Variants in SETDB2 observed in about 807,000 individuals in gnomAD.
The protein encoded by SETDB2 is histone-lysine N-methyltransferase SETDB2.
In SETDB2, 56 loss-of-function variants were observed where a neutral mutation model predicts 82.5. That is an observed-to-expected ratio of 0.68 (90% CI 0.55 to 0.85). The LOEUF (loss-of-function observed/expected upper bound fraction) is 0.85. Among genes scored for constraint, SETDB2 ranks in the 40% least tolerant of loss-of-function variants. The probability of loss-of-function intolerance (pLI) is 0.00; values close to 1 mark genes in which losing one functional copy is unlikely to be tolerated. For synonymous variants in SETDB2, 272 were observed against 284.9 expected (o/e 0.95, Z 0.46); for missense variants, 677 against 816.4 (o/e 0.83, Z 2.08).
intron 4 of SETDB2, among the ~76,000 whole-genome samples, chr13:49,462,904 T>C (rs1423358471): frequency 6.6e-6 from 1 of 152,168 alleles, no homozygotes; most frequent in Non-Finnish European, 1.5e-5. Flanking sequence ...CACTCGGAAT[T>C]GTAGGGGAGG....
intron 12 of SETDB2, among the ~76,000 whole-genome samples, chr13:49,490,049 G>A (rs1425503570): frequency 4.0e-5 from 6 of 150,142 alleles, no homozygotes; most frequent in Non-Finnish European, 8.9e-5. Context: ...AGCCAAGGCA[G>A]GCAGATCACT....
intron 12 of SETDB2, 94 bp downstream of exon 12, chr13:49,488,724 C>A: frequency 9.7e-7 from 1 of 1,028,208 alleles, no homozygotes; most frequent in Non-Finnish European, 1.4e-6. Flanking sequence ...ACTCTAAAGT[C>A]AGACCATCTG....
intron 2 of SETDB2, 62 bp downstream of exon 2, chr13:49,451,971 TA>T: frequency 8.2e-7 from 1 of 1,212,566 alleles, no homozygotes; most frequent in Non-Finnish European, 1.1e-6. Flanking sequence ...ATAGACAATG[TA>T]AGCTGATGTG....
chr13:49,467,868 T>C lies in SETDB2; in HGVS notation c.213T>C (p.Pro71=), dbSNP rs1958148860. The C allele has an allele frequency of 5.7e-6, 9 of 1,583,258 alleles. No homozygotes were observed. Among genetic ancestry groups the C allele is most frequent in the Non-Finnish European group, 7.7e-6 (9 of 1,165,958 alleles). The change falls in exon 5 of 14, where the codon CCT becomes CCC. Residue 71 remains proline, a synonymous_variant. Transcript: ENST00000611815. ...TCACATTATTTTTTTGTGTAGATCC[T>C]ATGCCTGTGACTCAGAAGGAACAGG... ...IINSSTSIKD[P]MPVTQKEQEN... is the part of the protein sequence containing the mutation.
intron 6 of SETDB2, among the ~76,000 whole-genome samples, chr13:49,479,229 G>T (rs75687810): frequency 1.2e-3 from 42 of 34,522 alleles, no homozygotes; most frequent in Non-Finnish European, 2.5e-3. Flanking sequence ...CCATATATAT[G>T]TGGTGTATAT....
intron 5 of SETDB2, among the ~76,000 whole-genome samples, chr13:49,474,919 A>G (rs1337522603): frequency 1.3e-5 from 2 of 152,258 alleles, no homozygotes; most frequent in Admixed American, 6.5e-5. Context: ...CCCACTGGCT[A>G]CCATATCGGA....
intron 2 of SETDB2, among the ~76,000 whole-genome samples, chr13:49,455,908 G>C (rs1303951103): frequency 2.0e-5 from 3 of 151,964 alleles, no homozygotes; most frequent in African/African-American, 7.3e-5. Context: ...TTTCATTAAA[G>C]GTGTACTTAG....
intron 5 of SETDB2, among the ~76,000 whole-genome samples, chr13:49,471,807 A>T (rs1958247191): frequency 1.3e-5 from 2 of 150,442 alleles, no homozygotes; most frequent in Admixed American, 1.3e-4. Context: ...CACAGTCTCA[A>T]CTCTACTTCT....
Position 49,444,557 on chromosome 13 carries a change from G to C in SETDB2, c.-642G>C, listed in dbSNP as rs1205631875. 6.4e-6 allele frequency: 1 copy of C among 157,452 alleles called. No homozygotes were observed. Among genetic ancestry groups the C allele is most frequent in the African/African-American group, 2.4e-5 (1 of 41,468 alleles). 9.8% of individuals were successfully genotyped at this position (157,452 alleles called of 1,614,324 possible). On this transcript the variant is annotated 5_prime_UTR_variant, in exon 1 of 14. Coordinates refer to ENST00000611815, the MANE Select transcript of SETDB2 (RefSeq NM_001160308.3). The stretch of plus-strand genomic sequence containing the variant: ...CTGGCCCCCGACAGTTCCTCTAGCC[G>C]GGAGGTTGGAGGAGCTGAAAACGCC...
chr13:49,456,495 C>T (rs989389261), intron 2 of SETDB2, among the ~76,000 whole-genome samples: 1 of 152,042 alleles, frequency 6.6e-6, no homozygotes, highest in Non-Finnish European at 1.5e-5. Flanking sequence ...AATAAAGTTA[C>T]CAGATGGTAT....
Position 49,494,884 on chromosome 13 carries a change from GAAC to G in SETDB2, c.*3039_*3041del, listed in dbSNP as rs1958775580. 1 of 151,892 alleles carries G rather than the reference GAAC, an allele frequency of 6.6e-6. No homozygotes were observed. The highest frequency in any genetic ancestry group is 2.4e-5 in the African/African-American group (1 of 41,312). 9.4% of individuals were successfully genotyped at this position (151,892 alleles called of 1,614,324 possible). ...CCAACTATTATATGTCTTTTTTCCA[GAAC>G]AACTTATTTTTTAACTATAATTATA... On this transcript the variant is annotated 3_prime_UTR_variant, in exon 14 of 14. Coordinates refer to ENST00000611815, the MANE Select transcript of SETDB2 (RefSeq NM_001160308.3).
chr13:49,461,520 G>A (rs1025609230), intron 4 of SETDB2, among the ~76,000 whole-genome samples: 1 of 152,230 alleles, frequency 6.6e-6, no homozygotes, highest in African/African-American at 2.4e-5. Flanking sequence ...GTATAGATAA[G>A]TTGGTGGGTA....
At chr13:49,487,455 TCTCCTGAGCAAA>T (rs1411416484) in intron 11 of SETDB2, among the ~76,000 whole-genome samples, 2 of 152,108 alleles carry the variant, frequency 1.3e-5, no homozygotes, top group African/African-American at 4.8e-5. Context: ...CCCACCTCAG[TCTCCTGAGCAAA>T]CAGGACTACA....
chr13:49,481,330 G>A (rs1053983243), intron 8 of SETDB2, among the ~76,000 whole-genome samples: 3 of 152,172 alleles, frequency 2.0e-5, no homozygotes, highest in African/African-American at 7.2e-5. Flanking sequence ...AAGGTTCAGA[G>A]ATGACACTTG....
In SETDB2 at chr13:49,464,102, G is replaced by A. The variant is rs186497967; in HGVS notation, c.208+2940G>A. The stretch of plus-strand genomic sequence containing the variant: ...ATACCACCCTAATAGGTGAAAGGGA[G>A]GAGCAGAGGGGCACTTCTGGAAGAA... On this transcript the variant is annotated intron_variant, in intron 4 of 13. Transcript: ENST00000611815. 4.2e-5 allele frequency: 32 copies of A among 769,054 alleles called. 1 individual carries two copies. The highest frequency in any genetic ancestry group is 3.5e-4 in the Admixed American group (20 of 57,594). The allele number at this position is 769,054 out of a possible 1,614,324, so 47.6% of individuals were successfully genotyped here. A position where few individuals can be genotyped will look rare whatever the true frequency, so the allele number is the denominator to read the frequency against.
chr13:49,449,132 C>T (rs1957743930), intron 1 of SETDB2, among the ~76,000 whole-genome samples: 1 of 152,124 alleles, frequency 6.6e-6, no homozygotes, highest in Admixed American at 6.5e-5. Context: ...TTTTGCTTGC[C>T]ATCCAATCTG....
chr13:49,461,223 G>A (rs1437538626), intron 4 of SETDB2, 61 bp downstream of exon 4: 26 of 1,187,720 alleles, frequency 2.2e-5, no homozygotes, highest in Non-Finnish European at 3.2e-5. Context: ...CATGAAGCAG[G>A]ATAGCTTTAA....
At chr13:49,474,748 C>T (rs1025890751) in intron 5 of SETDB2, among the ~76,000 whole-genome samples, 7 of 152,130 alleles carry the variant, frequency 4.6e-5, no homozygotes, top group South Asian at 2.1e-4. Context: ...ACTATACAGT[C>T]GGAGAAAGGA....
rs569344857 is a variant in SETDB2 at position 49,482,149 on chromosome 13, G to A, written c.1157-588G>A. 4.4e-5 allele frequency: 43 copies of A among 985,356 alleles called. No homozygotes were observed. The East Asian group carries it at 3.1e-3, about 70-fold the overall frequency. 61.0% of individuals were successfully genotyped at this position (985,356 alleles called of 1,614,324 possible). The stretch of plus-strand genomic sequence containing the variant: ...TCCAGGAAGTATCATTGGTTTTATC[G>A]TTGTTGCTGGAAAATGTAACTAAGA... On this transcript the variant is annotated intron_variant, in intron 8 of 13. Transcript: ENST00000611815.
Sources: gnomAD v4.1 joint callset for allele counts (sites outside exome capture counted in the v4.1 genomes callset) on GRCh38, gnomAD v4.1.1 for gene constraint, MANE v1.5 for transcripts, NCBI Gene and HGNC (gene_info 2026-07-23, HGNC 2026-07-21) for gene names.